ACP6: variants seen among roughly 807,000 people sequenced by gnomAD.
ACP6 encodes lysophosphatidic acid phosphatase type 6.
Under a neutral mutation model 48.1 loss-of-function variants are expected in ACP6, and 48 were observed. That is an observed-to-expected ratio of 1.00 (90% CI 0.79 to 1.27). ACP6 has a LOEUF of 1.27. Among genes scored for constraint, ACP6 ranks in the 50% most tolerant of loss-of-function variants. The pLI, the probability that ACP6 is intolerant of heterozygous loss-of-function variation, is 0.00. For synonymous variants in ACP6, 172 were observed against 204.2 expected (o/e 0.84, Z 1.34); for missense variants, 485 against 529.1 (o/e 0.92, Z 0.82).
At chr1:147,652,571 T>G in intron 6 of ACP6, 22 bp from the exon 7 acceptor site, 1 of 1,613,428 alleles carries the variant, frequency 6.2e-7, no homozygotes, top group Non-Finnish European at 8.5e-7. Context: ...ACATGTAGTT[T>G]TAGAAAAAAA....
Position 147,647,202 on chromosome 1 carries a change from G to T in ACP6, c.*221C>A. The T allele has an allele frequency of 1.9e-6, 1 of 537,682 alleles. No individual in the cohort carries two copies. Among genetic ancestry groups the T allele is most frequent in the Non-Finnish European group, 3.2e-6 (1 of 310,382 alleles). The allele number at this position is 537,682 out of a possible 1,614,324, so 33.3% of individuals were successfully genotyped here. A position where few individuals can be genotyped will look rare whatever the true frequency, so the allele number is the denominator to read the frequency against. ...TCACACAAAGATGCTTCTAACCTTA[G>T]AAACCAACTCACAAAATAGAGAAAT... On this transcript the variant is annotated 3_prime_UTR_variant, in exon 10 of 10. Coordinates refer to ENST00000583509, the MANE Select transcript of ACP6 (RefSeq NM_016361.5).
chr1:147,657,046 G>A (rs1165504342), intron 4 of ACP6, among the ~76,000 whole-genome samples: 3 of 152,288 alleles, frequency 2.0e-5, no homozygotes, highest in Non-Finnish European at 4.4e-5. Context: ...TCTGCCCGGG[G>A]AGAGGGTTGT....
chr1:147,641,621 G>C (rs1192466318), downstream of ACP6, among the ~76,000 whole-genome samples: 1 of 152,248 alleles, frequency 6.6e-6, no homozygotes, highest in Non-Finnish European at 1.5e-5. Flanking sequence ...AGGCCCCTTA[G>C]AGAAAGGAGT....
chr1:147,638,103 C>T (rs1393437585), downstream of ACP6, among the ~76,000 whole-genome samples: 1 of 152,194 alleles, frequency 6.6e-6, no homozygotes, highest in Non-Finnish European at 1.5e-5. Flanking sequence ...TTATGATCTA[C>T]AGATAGCATC....
In ACP6 at chr1:147,655,172, C is replaced by T. The variant is rs1553211388; in HGVS notation, c.636G>A (p.Arg212=). The change falls in exon 5 of 10, where the codon AGG becomes AGA. Residue 212 remains arginine, a synonymous_variant. Coordinates refer to ENST00000583509, the MANE Select transcript of ACP6 (RefSeq NM_016361.5). ...YPNYQSCWSL[R]QRTRGRRQTA... is the part of the protein sequence containing the mutation. ...CCAGGGGCAGTTACCTGGTTCTCTG[C>T]CTCAGGCTCCAGCAGCTTTGGTAGT... 1.1e-5 allele frequency: 18 copies of T among 1,605,618 alleles called. No individual in the cohort carries two copies. Among genetic ancestry groups the T allele is most frequent in the Non-Finnish European group, 1.5e-5 (18 of 1,175,600 alleles).
intron 9 of ACP6, 113 bp from the exon 10 acceptor site, chr1:147,647,679 A>C: frequency 1.5e-6 from 2 of 1,376,384 alleles, no homozygotes; most frequent in Non-Finnish European, 1.9e-6. Context: ...ATGTGCATAC[A>C]TATTACAGAC....
rs1553212189 is a variant in ACP6 at position 147,659,004 on chromosome 1, G to T, written c.515C>A (p.Ser172Tyr). The change falls in exon 4 of 10, where the codon TCC becomes TAC. Residue 172 changes from serine to tyrosine, a missense_variant. Transcript: ENST00000583509. ...AAGCCCAGCCAGCAAACAACGGGTGGACTCCAGATTCCGAAAAATGTTAGT... is the reference window on the plus strand; with the variant it reads ...AAGCCCAGCCAGCAAACAACGGGTGTACTCCAGATTCCGAAAAATGTTAGT... ...RSTNIFRNLE[S>Y]TRCLLAGLFQ... 1.9e-6 allele frequency: 3 copies of T among 1,611,910 alleles called. No individual in the cohort carries two copies. Among genetic ancestry groups the T allele is most frequent in the African/African-American group, 1.3e-5 (1 of 74,856 alleles).
intron 5 of ACP6, among the ~76,000 whole-genome samples, chr1:147,631,974 C>G (rs1553207436): frequency 1.3e-5 from 2 of 152,152 alleles, no homozygotes; most frequent in African/African-American, 4.8e-5. Flanking sequence ...GCCCTTCCCC[C>G]ACCCACTGTG....
At chr1:147,665,932 T>C (rs1378378106) in intron 1 of ACP6, among the ~76,000 whole-genome samples, 7 of 152,240 alleles carry the variant, frequency 4.6e-5, no homozygotes, top group Admixed American at 3.3e-4. Context: ...ATAATTTTAC[T>C]TATTTTGTGT....
intron 6 of ACP6, 124 bp from the exon 7 acceptor site, chr1:147,652,673 A>C: frequency 6.3e-7 from 1 of 1,598,286 alleles, no homozygotes. Context: ...CAGGCTCAAG[A>C]ACAGCTATGT....
intron 6 of ACP6, among the ~76,000 whole-genome samples, chr1:147,653,017 C>T (rs1364528711): frequency 5.9e-5 from 9 of 152,260 alleles, no homozygotes; most frequent in Non-Finnish European, 8.8e-5. Context: ...TTAGTAGAGA[C>T]GGGGTTTCAC....
downstream of ACP6, among the ~76,000 whole-genome samples, chr1:147,638,810 C>G (rs587723470): frequency 6.6e-5 from 10 of 152,300 alleles, 1 homozygote; most frequent in South Asian, 1.2e-3. Flanking sequence ...CCATTACCTT[C>G]CAGTCTTCAC....
rs1400791236 is a variant in ACP6, at chr1:147,647,171, C to T, written c.*252G>A. On this transcript the variant is annotated 3_prime_UTR_variant, in exon 10 of 10. Coordinates refer to ENST00000583509, the MANE Select transcript of ACP6 (RefSeq NM_016361.5). The stretch of plus-strand genomic sequence containing the variant: ...TTCTACAGGGTCATGATGTCCCCAG[C>T]CCGTGTCACACAAAGATGCTTCTAA... 4.8e-5 allele frequency: 21 copies of T among 441,416 alleles called. No individual in the cohort carries two copies. The highest frequency in any genetic ancestry group is 7.4e-5 in the Non-Finnish European group (18 of 244,048). 27.3% of individuals were successfully genotyped at this position (441,416 alleles called of 1,614,324 possible). A position where few individuals can be genotyped will look rare whatever the true frequency, so the allele number is the denominator to read the frequency against.
At chr1:147,654,155 C>T in intron 6 of ACP6, 39 bp downstream of exon 6, 1 of 1,604,814 alleles carries the variant, frequency 6.2e-7, no homozygotes, top group Non-Finnish European at 8.5e-7. Flanking sequence ...GCCAGCCCAC[C>T]AAGGCTATTA....
intron 4 of ACP6, among the ~76,000 whole-genome samples, chr1:147,655,723 C>A (rs1224148550): frequency 1.3e-5 from 2 of 152,172 alleles, no homozygotes; most frequent in Non-Finnish European, 2.9e-5. Context: ...GCCACAGATC[C>A]TCTCAGAGAC....
In ACP6 at chr1:147,655,157, T is replaced by G; in HGVS notation, c.647+4A>C. 6.3e-7 allele frequency: 1 copy of G among 1,598,742 alleles called. No homozygotes were observed. The highest frequency in any genetic ancestry group is 1.1e-5 in the South Asian group (1 of 88,360). On this transcript the variant is annotated splice_donor_region_variant and intron_variant, in intron 5 of 9. Coordinates refer to ENST00000583509, the MANE Select transcript of ACP6 (RefSeq NM_016361.5). ...CTGGTGAGCAAGAACCCAGGGGCAGTTACCTGGTTCTCTGCCTCAGGCTCC... is the reference window on the plus strand; with the variant it reads ...CTGGTGAGCAAGAACCCAGGGGCAGGTACCTGGTTCTCTGCCTCAGGCTCC...
chr1:147,647,948 G>A (rs1024108038), intron 9 of ACP6: 2 of 494,866 alleles, frequency 4.0e-6, no homozygotes, highest in African/African-American at 1.9e-5. Context: ...TCCAAAACAG[G>A]TCTCACAGCC....
rs587744304 is a variant in ACP6, at chr1:147,664,825, T to C, written c.219+5005A>G. ...GCTGCAAGAAACCATATGAAGGCCATAGCAGTTCAAAGGCAAGACAGACCT... is the reference window on the plus strand; with the variant it reads ...GCTGCAAGAAACCATATGAAGGCCACAGCAGTTCAAAGGCAAGACAGACCT... On this transcript the variant is annotated intron_variant, in intron 1 of 9. Coordinates refer to ENST00000583509, the MANE Select transcript of ACP6 (RefSeq NM_016361.5). Among the ~76,000 whole-genome samples, 3 of 152,318 alleles carry C rather than the reference T, an allele frequency of 2.0e-5. No homozygotes were observed. The East Asian group carries it at 5.8e-4, about 29-fold the overall frequency.
chr1:147,656,039 T>C (rs1553211566), intron 4 of ACP6, among the ~76,000 whole-genome samples: 1 of 152,148 alleles, frequency 6.6e-6, no homozygotes, highest in Non-Finnish European at 1.5e-5. Flanking sequence ...TTCACTGAGG[T>C]CCATCTACAG....
Sources: gnomAD v4.1 joint callset for allele counts (sites outside exome capture counted in the v4.1 genomes callset) on GRCh38, gnomAD v4.1.1 for gene constraint, MANE v1.5 for transcripts, NCBI Gene and HGNC (gene_info 2026-07-23, HGNC 2026-07-21) for gene names.